The following WDR35 variants were observed in gnomAD, a reference collection of about 807,000 sequenced individuals.
The protein encoded by WDR35 is WD repeat domain 35, also known as WD repeat-containing protein 35.
WDR35 carries 118 observed loss-of-function variants against 158.3 expected under a neutral mutation model. The observed-to-expected ratio is 0.75, with a 90% CI of 0.64 to 0.87. The LOEUF is 0.87. Among genes scored for constraint, WDR35 ranks in the 40% least tolerant of loss-of-function variants. WDR35 has a pLI of 0.00. For synonymous variants in WDR35, 448 were observed against 476.1 expected, an observed-to-expected ratio of 0.94 and a Z score of 0.77; for missense variants, 1,263 against 1,405.8, an observed-to-expected ratio of 0.90 and a Z score of 1.62.
chr2:19,919,139 C>T (rs1405053301), intron 25 of WDR35, among the ~76,000 whole-genome samples: 3 of 151,964 alleles, frequency 2.0e-5, no homozygotes, highest in Admixed American at 6.6e-5. Context: ...CCAGCACTTT[C>T]GGAGGCCAAG....
intron 16 of WDR35, among the ~76,000 whole-genome samples, chr2:19,943,644 T>C (rs1670945446): frequency 6.6e-6 from 1 of 152,054 alleles, no homozygotes; most frequent in Non-Finnish European, 1.5e-5. Flanking sequence ...ATGAGTCTGA[T>C]TGATGAAATT....
At chr2:19,938,016 A>T in intron 18 of WDR35, 70 bp from the exon 19 acceptor site, 2 of 1,546,988 alleles carry the variant, frequency 1.3e-6, no homozygotes, top group Non-Finnish European at 1.8e-6. Context: ...TTGAATCACA[A>T]TTCAATTATC....
intron 10 of WDR35, chr2:19,962,475 T>C: frequency 1.3e-6 from 1 of 753,786 alleles, no homozygotes; most frequent in Non-Finnish European, 2.2e-6. Flanking sequence ...ATGCACATTT[T>C]ACATCACATT....
Position 19,911,259 on chromosome 2 carries a change from G to T in WDR35, c.*2299C>A, listed in dbSNP as rs1410454372. ...AACAAATCACAGTAAGGGGCTAGAG[G>T]CATGACAATCGAATGAATTCTCAGC... On this transcript the variant is annotated 3_prime_UTR_variant, in exon 27 of 27. Coordinates refer to ENST00000281405, the MANE Select transcript of WDR35 (RefSeq NM_020779.4). 3 of 152,178 alleles carry T rather than the reference G, an allele frequency of 2.0e-5. No homozygotes were observed. The highest frequency in any genetic ancestry group is 2.0e-4 in the Admixed American group (3 of 15,276). The allele number at this position is 152,178 out of a possible 1,614,324, so 9.4% of individuals were successfully genotyped here.
intron 11 of WDR35, among the ~76,000 whole-genome samples, chr2:19,959,968 T>C (rs971595596): frequency 6.6e-6 from 1 of 152,064 alleles, no homozygotes; most frequent in Admixed American, 6.5e-5. Context: ...AATGGGTTAC[T>C]TTCATAGTTA....
intron 23 of WDR35, among the ~76,000 whole-genome samples, chr2:19,932,041 C>T (rs948605473): frequency 1.3e-5 from 2 of 152,068 alleles, no homozygotes; most frequent in Admixed American, 6.6e-5. Context: ...ATTTCTTTAA[C>T]TCTTTGTTAA....
At chr2:19,972,636 G>A (rs1157787862) in intron 8 of WDR35, among the ~76,000 whole-genome samples, 1 of 151,804 alleles carries the variant, frequency 6.6e-6, no homozygotes, top group East Asian at 1.9e-4. Context: ...ACGTTCTACA[G>A]TATATTCTAC....
At chr2:19,974,095 C>T (rs1419419083) in intron 7 of WDR35, among the ~76,000 whole-genome samples, 3 of 148,578 alleles carry the variant, frequency 2.0e-5, no homozygotes, top group South Asian at 4.2e-4. Flanking sequence ...AAGACCCTGT[C>T]GCAAAAAAAA....
At position 19,978,809 on chromosome 2, in the gene WDR35, G is replaced by A. The variant is rs770081985; in HGVS notation, c.378C>T (p.Asp126=). 18 of 1,613,692 alleles carry A rather than the reference G, an allele frequency of 1.1e-5. No individual in the cohort carries two copies. Among genetic ancestry groups the A allele is most frequent in the Middle Eastern group, 3.3e-4 (2 of 6,082 alleles). Residue 126 remains aspartate (D), a synonymous_variant, in exon 5 of 27, where the codon GAC becomes GAT. Coordinates refer to ENST00000281405, the MANE Select transcript of WDR35 (RefSeq NM_020779.4). ...SVVRSMSWNA[D]GQKICIVYED... ...CATATACAATGCAGATCTTCTGTCC[G>A]TCAGCATTCCAGCTCATACTGCGAA... is the stretch of plus-strand genomic sequence containing the variant.
intron 10 of WDR35, among the ~76,000 whole-genome samples, chr2:19,966,518 T>C (rs955041222): frequency 2.0e-5 from 3 of 152,022 alleles, no homozygotes; most frequent in African/African-American, 7.2e-5. Context: ...TGAATTGCCA[T>C]AAGATTAGCT....
Position 19,937,939 on chromosome 2 carries a change from G to A in WDR35, c.2071C>T (p.Leu691=), listed in dbSNP as rs1208206212. The change falls in exon 19 of 27, where the codon CTG becomes TTG. Residue 691 remains leucine, a synonymous_variant. Transcript: ENST00000281405. ...DNPHPRLWRL[L]AEAALQKLDL... is the part of the protein sequence containing the mutation. ...AGTTTCTGAAGAGCTGCTTCAGCCAGTAGGCGCCTTTATTTTAAAAGAAAC... is the reference window on the plus strand; with the variant it reads ...AGTTTCTGAAGAGCTGCTTCAGCCAATAGGCGCCTTTATTTTAAAAGAAAC... 1 of 1,614,070 alleles carries A rather than the reference G, an allele frequency of 6.2e-7. No homozygotes were observed. The highest frequency in any genetic ancestry group is 1.1e-5 in the South Asian group (1 of 91,084).
chr2:19,968,915 G>A (rs1266218448), intron 9 of WDR35, among the ~76,000 whole-genome samples: 1 of 152,102 alleles, frequency 6.6e-6, no homozygotes, highest in African/African-American at 2.4e-5. Context: ...TAGTTTCTAC[G>A]AACTCCGTCA....
At chr2:19,930,265 C>G in intron 25 of WDR35, 131 bp downstream of exon 25, 1 of 1,391,114 alleles carries the variant, frequency 7.2e-7, no homozygotes, top group Non-Finnish European at 1.0e-6. Context: ...GCATAAGACT[C>G]AAACATAGGA....
intron 19 of WDR35, 129 bp from the exon 20 acceptor site, chr2:19,936,494 T>G (rs759339287): frequency 2.3e-5 from 32 of 1,364,270 alleles, no homozygotes; most frequent in East Asian, 7.1e-5. Flanking sequence ...CTCCAAACAC[T>G]TTAGGAACTT....
chr2:19,989,004 C>T lies in WDR35; in HGVS notation c.142+161G>A, dbSNP rs13035048. Among the ~76,000 whole-genome samples, 37,860 of 152,100 alleles carry T rather than the reference C, an allele frequency of 0.25. 4,787 individuals carry two copies. The highest frequency in any genetic ancestry group is 0.25 in the Non-Finnish European group (17,255 of 67,966). On this transcript the variant is annotated intron_variant, in intron 2 of 26. Transcript: ENST00000281405. ...ATGTTTACATTCAACATTCTCTGAACTTTATTGCAAATATACTCCAGAAAA... is the reference window on the plus strand; with the variant it reads ...ATGTTTACATTCAACATTCTCTGAATTTTATTGCAAATATACTCCAGAAAA...
chr2:19,917,762 C>T (rs984948503), intron 25 of WDR35, among the ~76,000 whole-genome samples: 8 of 152,138 alleles, frequency 5.3e-5, no homozygotes, highest in Admixed American at 5.2e-4. Flanking sequence ...GCCAAATCTA[C>T]GTTTGATTGG....
intron 25 of WDR35, among the ~76,000 whole-genome samples, chr2:19,919,442 A>T (rs1291475085): frequency 1.3e-5 from 2 of 151,616 alleles, no homozygotes; most frequent in African/African-American, 4.8e-5. Context: ...CATCAACACC[A>T]CATAACTACC....
Position 19,935,565 on chromosome 2 carries a change from T to C in WDR35, c.2453A>G (p.Gln818Arg). 1 of 1,613,124 alleles carries C rather than the reference T, an allele frequency of 6.2e-7. No homozygotes were observed. Among genetic ancestry groups the C allele is most frequent in the Non-Finnish European group, 8.5e-7 (1 of 1,179,656 alleles). Reference sequence around the variant, plus strand: ...ATAGTAACATTCAGCTAAGCGTTCCTGGTTCCGTCCTTGTACATAATATTG... The same window carrying C: ...ATAGTAACATTCAGCTAAGCGTTCCCGGTTCCGTCCTTGTACATAATATTG... ...AVQYYVQGRN[Q>R]ERLAECYYML... The change falls in exon 21 of 27, where the codon CAG becomes CGG. Residue 818 changes from glutamine (Q) to arginine (R), a missense_variant. Physicochemically the swap from Gln to Arg is conservative, Grantham distance 43. Coordinates refer to ENST00000281405, the MANE Select transcript of WDR35 (RefSeq NM_020779.4).
In WDR35 at chr2:19,931,281, T is replaced by A; in HGVS notation, c.2952A>T (p.Gly984=). The change falls in exon 24 of 27, where the codon GGA becomes GGT. Residue 984 remains glycine (G), a synonymous_variant. Coordinates refer to ENST00000281405, the MANE Select transcript of WDR35 (RefSeq NM_020779.4). ...MKNAQRGKVK[G]KSSEATSALA... is the part of the protein sequence containing the mutation. The stretch of plus-strand genomic sequence containing the variant: ...CGTGCTACTTTACCTCTGAACTTTT[T>A]CCTTTAACTTTTCCTCGCTGGGCAT... 1 of 1,613,306 alleles carries A rather than the reference T, an allele frequency of 6.2e-7. No individual in the cohort carries two copies. The highest frequency in any genetic ancestry group is 8.5e-7 in the Non-Finnish European group (1 of 1,179,648).
Sources: allele counts gnomAD v4.1 joint callset (sites outside exome capture counted in the v4.1 genomes callset), GRCh38; gene constraint gnomAD v4.1.1; transcripts MANE v1.5; gene names NCBI Gene and HGNC (gene_info 2026-07-23, HGNC 2026-07-21).